Variants in IMPG2 observed in about 807,000 individuals in gnomAD.
IMPG2 encodes interphotoreceptor matrix proteoglycan 2, also known as IPM 200.
In IMPG2, 91 loss-of-function variants were observed where a neutral mutation model predicts 129.2. That is an observed-to-expected ratio of 0.70 (90% confidence interval 0.59 to 0.84). The LOEUF (loss-of-function observed/expected upper bound fraction) is 0.84. IMPG2 is among the 40% of genes least tolerant of loss of function. The pLI, the probability that IMPG2 is intolerant of heterozygous loss-of-function variation, is 0.00. For missense variants in IMPG2, 1,430 were observed against 1,461.7 expected, an observed-to-expected ratio of 0.98 and a Z score of 0.35; for synonymous variants, 510 against 517.7, an observed-to-expected ratio of 0.99 and a Z score of 0.20.
rs1410860026 is a variant in IMPG2, at chr3:101,319,593, TA to T, written c.324del (p.Phe108LeufsTer31). ...TTGGATGTTCGCTTACCTCGGACTT[TA>T]AAATACTTCACATGATTTGCCACAG... ...AEAVANHVKY[F>X]KVRVCQEAVW... On this transcript the variant is annotated frameshift_variant, in exon 2 of 19. Transcript: ENST00000193391. LOFTEE classifies it high-confidence loss of function. 1.2e-6 allele frequency: 2 copies of T among 1,613,548 alleles called. No individual in the cohort carries two copies. The highest frequency in any genetic ancestry group is 1.7e-6 in the Non-Finnish European group (2 of 1,179,726).
intron 2 of IMPG2, among the ~76,000 whole-genome samples, chr3:101,316,353 T>C (rs2107146213): frequency 6.6e-6 from 1 of 152,094 alleles, no homozygotes; most frequent in Non-Finnish European, 1.5e-5. Context: ...GTATGCAAAA[T>C]ATATGTTTGA....
At chr3:101,230,573 G>A (rs886602570) in intron 16 of IMPG2, among the ~76,000 whole-genome samples, 3 of 152,104 alleles carry the variant, frequency 2.0e-5, no homozygotes, top group South Asian at 2.1e-4. Context: ...CCTTTCCTTC[G>A]ATGAGCCTTG....
intron 2 of IMPG2, among the ~76,000 whole-genome samples, chr3:101,306,771 A>G (rs1054646122): frequency 2.6e-5 from 4 of 152,232 alleles, no homozygotes; most frequent in African/African-American, 4.8e-5. Context: ...TAGGGCTAAT[A>G]CTATGAAGTT....
In IMPG2 at chr3:101,225,168, T is replaced by A. The variant is rs1303060170; in HGVS notation, c.*1801A>T. On this transcript the variant is annotated 3_prime_UTR_variant, in exon 19 of 19. Coordinates refer to ENST00000193391, the MANE Select transcript of IMPG2 (RefSeq NM_016247.4). Reference sequence around the variant, plus strand: ...AAACTAAGCACTTAGTAGTGACAAATATCATTAACACTTAAAATGTCTTAA... The same window carrying A: ...AAACTAAGCACTTAGTAGTGACAAAAATCATTAACACTTAAAATGTCTTAA... The A allele has an allele frequency of 6.6e-6, 1 of 152,210 alleles. No individual in the cohort carries two copies. Among genetic ancestry groups the A allele is most frequent in the East Asian group, 1.9e-4 (1 of 5,190 alleles). 9.4% of individuals were successfully genotyped at this position (152,210 alleles called of 1,614,324 possible). A position where few individuals can be genotyped will look rare whatever the true frequency, so the allele number is the denominator to read the frequency against.
chr3:101,234,655 G>A (rs544595808), intron 14 of IMPG2, among the ~76,000 whole-genome samples: 13 of 152,282 alleles, frequency 8.5e-5, no homozygotes, highest in East Asian at 3.9e-4. Flanking sequence ...CCGGGTATTC[G>A]TTTTGTGACT....
At chr3:101,320,221 A>T (rs1576776794) in intron 1 of IMPG2, 67 bp downstream of exon 1, 1 of 913,876 alleles carries the variant, frequency 1.1e-6, no homozygotes, top group South Asian at 1.4e-5. Flanking sequence ...ACATCAAATA[A>T]TCCTATTTTT....
chr3:101,268,185 G>A (rs576843077), intron 8 of IMPG2, among the ~76,000 whole-genome samples: 6 of 152,262 alleles, frequency 3.9e-5, no homozygotes, highest in Admixed American at 1.3e-4. Context: ...AAGGTAAATT[G>A]TCTTTTTTAT....
chr3:101,236,090 A>G (rs1576744876), intron 14 of IMPG2, among the ~76,000 whole-genome samples: 1 of 152,210 alleles, frequency 6.6e-6, no homozygotes, highest in African/African-American at 2.4e-5. Flanking sequence ...CTTATGTTGG[A>G]GGTGCTTTGA....
At position 101,292,585 on chromosome 3, in the gene IMPG2, A is replaced by G. The variant is rs138593240; in HGVS notation, c.502-1075T>C. Among the ~76,000 whole-genome samples, 58 of 152,320 alleles carry G rather than the reference A, an allele frequency of 3.8e-4. 1 individual carries two copies. The East Asian group carries it at 8.7e-3, about 23-fold the overall frequency. On this transcript the variant is annotated intron_variant, in intron 3 of 18. Transcript: ENST00000193391. ...GCCTCCAAGTTGATGGCTGCTGACT[A>G]ATCAGAATGATGGCTGCTGATGATT...
chr3:101,252,176 T>C (rs1706551822), intron 11 of IMPG2, among the ~76,000 whole-genome samples: 1 of 152,114 alleles, frequency 6.6e-6, no homozygotes, highest in Non-Finnish European at 1.5e-5. Flanking sequence ...AACTTCAGAG[T>C]AGCAGATCTT....
intron 14 of IMPG2, among the ~76,000 whole-genome samples, chr3:101,233,969 G>A (rs943805535): frequency 6.6e-6 from 1 of 151,860 alleles, no homozygotes; most frequent in Non-Finnish European, 1.5e-5. Flanking sequence ...TGCTGCTCTG[G>A]AAATTGAAGA....
chr3:101,257,743 G>T lies in IMPG2; in HGVS notation c.939C>A (p.Phe313Leu). ...TGGTATTGCTGATGGCCTCACCATT[G>T]AAGGTAACTGCATAGTAAACATCTA... Reference protein sequence around the residue: ...SGVDVYYAVTFNGEAISNTTW... With the variant: ...SGVDVYYAVTLNGEAISNTTW... The change falls in exon 10 of 19, where the codon TTC becomes TTA. Residue 313 changes from phenylalanine to leucine, a missense_variant. Coordinates refer to ENST00000193391, the MANE Select transcript of IMPG2 (RefSeq NM_016247.4). The T allele has an allele frequency of 6.2e-7, 1 of 1,613,252 alleles. No homozygotes were observed. Among genetic ancestry groups the T allele is most frequent in the Non-Finnish European group, 8.5e-7 (1 of 1,179,450 alleles).
intron 13 of IMPG2, 90 bp downstream of exon 13, chr3:101,243,438 TC>T: frequency 8.8e-7 from 1 of 1,134,586 alleles, no homozygotes; most frequent in Non-Finnish European, 1.3e-6. Flanking sequence ...GATCACACTT[TC>T]CCTGGCTCAG....
At chr3:101,268,081 T>A (rs1046360434) in intron 8 of IMPG2, among the ~76,000 whole-genome samples, 2 of 152,238 alleles carry the variant, frequency 1.3e-5, no homozygotes, top group African/African-American at 2.4e-5. Flanking sequence ...GATTTATTAG[T>A]ATCCTCATAA....
In IMPG2 at chr3:101,243,377, C is replaced by T. The variant is rs137911259; in HGVS notation, c.2802+152G>A. 285 of 731,230 alleles carry T rather than the reference C, an allele frequency of 3.9e-4. 1 individual carries two copies. In the African/African-American group the frequency reaches 4.6e-3, roughly 12 times the overall value. The allele number at this position is 731,230 out of a possible 1,614,324, so 45.3% of individuals were successfully genotyped here. ...GTATGTCTTACTGTTTTCTTACCAA[C>T]CCTAGGCCATGATACTATTTGTGAA... On this transcript the variant is annotated intron_variant, in intron 13 of 18. Transcript: ENST00000193391.
intron 7 of IMPG2, 78 bp downstream of exon 7, chr3:101,273,503 T>A: frequency 6.8e-7 from 1 of 1,472,768 alleles, no homozygotes. Context: ...CCTAAACCTA[T>A]CTTTAAACAG....
intron 14 of IMPG2, among the ~76,000 whole-genome samples, chr3:101,233,452 G>A (rs1167213599): frequency 6.6e-6 from 1 of 152,158 alleles, no homozygotes; most frequent in Non-Finnish European, 1.5e-5. Flanking sequence ...GGGAGAGAGA[G>A]CTCAGAAGAG....
At position 101,230,937 on chromosome 3, in the gene IMPG2, G is replaced by C; in HGVS notation, c.3422+20C>G. ...AAATGGAACATTGTATTCCATTAGA[G>C]AGCTCTTTTCCTTATTTACCTGAAG... On this transcript the variant is annotated intron_variant, in intron 16 of 18. Transcript: ENST00000193391. 2 of 1,598,750 alleles carry C rather than the reference G, an allele frequency of 1.3e-6. No homozygotes were observed. The highest frequency in any genetic ancestry group is 1.7e-6 in the Non-Finnish European group (2 of 1,166,576).
At chr3:101,249,283 T>C (rs759521141) in intron 11 of IMPG2, among the ~76,000 whole-genome samples, 1 of 152,178 alleles carries the variant, frequency 6.6e-6, no homozygotes, top group Non-Finnish European at 1.5e-5. Context: ...TGAGTGATAT[T>C]ATGCAAATGT....
Sources: gnomAD v4.1 joint callset for allele counts (sites outside exome capture counted in the v4.1 genomes callset) on GRCh38, gnomAD v4.1.1 for gene constraint, MANE v1.5 for transcripts, NCBI Gene and HGNC (gene_info 2026-07-23, HGNC 2026-07-21) for gene names.